LPL: variants seen among roughly 807,000 people sequenced by gnomAD.
The protein encoded by LPL is lipoprotein lipase, also known as phospholipase A1.
Under a neutral mutation model 52.2 loss-of-function variants are expected in LPL, and 43 were observed. That is an observed-to-expected ratio of 0.82 (90% confidence interval 0.64 to 1.06). The LOEUF (loss-of-function observed/expected upper bound fraction) is 1.06, where lower values mean the gene tolerates loss of function less well. Among genes scored for constraint, LPL ranks in the 50% least tolerant of loss-of-function variants. The probability of loss-of-function intolerance (pLI) is 0.00; values close to 1 mark genes in which losing one functional copy is unlikely to be tolerated. For synonymous variants in LPL, 244 were observed against 215.6 expected (o/e 1.13, Z -1.15); for missense variants, 639 against 585.3 (o/e 1.09, Z -0.95).
rs373989588 is a variant in LPL at position 19,954,328 on chromosome 8, C to T, written c.750C>T (p.Arg250=). The change falls in exon 5 of 10, where the codon CGC becomes CGT. Residue 250 remains arginine, a synonymous_variant. Transcript: ENST00000650287. Reference sequence around the variant, plus strand: ...GATGTAACATTGGAGAAGCTATCCGCGTGATTGCAGAGAGAGGACTTGGAG... The same window carrying T: ...GATGTAACATTGGAGAAGCTATCCGTGTGATTGCAGAGAGAGGACTTGGAG... The part of the protein sequence containing the change: ...QPGCNIGEAI[R]VIAERGLGDV... 1.7e-5 allele frequency: 28 copies of T among 1,613,862 alleles called. No individual in the cohort carries two copies. The highest frequency in any genetic ancestry group is 5.0e-5 in the Admixed American group (3 of 59,986).
intron 6 of LPL, among the ~76,000 whole-genome samples, chr8:19,957,181 C>T (rs1288850954): frequency 2.0e-5 from 3 of 152,186 alleles, no homozygotes; most frequent in Non-Finnish European, 2.9e-5. Context: ...ACTTGAATTT[C>T]AAGCTTGGCC....
intron 1 of LPL, among the ~76,000 whole-genome samples, chr8:19,940,042 C>T (rs1002279685): frequency 1.3e-5 from 2 of 152,186 alleles, no homozygotes; most frequent in African/African-American, 4.8e-5. Context: ...CGCGGGGAGG[C>T]GTTCCGGGCA....
chr8:19,956,010 T>C lies in LPL; in HGVS notation c.945T>C (p.Tyr315=). 3 of 1,613,658 alleles carry C rather than the reference T, an allele frequency of 1.9e-6. No individual in the cohort carries two copies. Among genetic ancestry groups the C allele is most frequent in the Non-Finnish European group, 1.7e-6 (2 of 1,179,572 alleles). The change falls in exon 6 of 10, where the codon TAT becomes TAC. Residue 315 remains tyrosine (Y), a synonymous_variant. Coordinates refer to ENST00000650287, the MANE Select transcript of LPL (RefSeq NM_000237.3). The part of the protein sequence containing the change: ...CRKNRCNNLG[Y]EINKVRAKRS... ...AGAACCGCTGCAACAATCTGGGCTA[T>C]GAGATCAATAAAGTCAGAGCCAAAA... is the stretch of plus-strand genomic sequence containing the variant.
rs549451267 is a variant in LPL at position 19,951,874 on chromosome 8, G to A, written c.355G>A (p.Glu119Lys). Residue 119 changes from glutamate (E) to lysine (K), a missense_variant, in exon 3 of 10, where the codon GAG becomes AAG. Transcript: ENST00000650287. ...IVVDWLSRAQ[E>K]HYPVSAGYTK... ...GGTGGACTGGCTGTCACGGGCTCAGGAGCATTACCCAGTGTCCGCGGGCTA... is the reference window on the plus strand; with the variant it reads ...GGTGGACTGGCTGTCACGGGCTCAGAAGCATTACCCAGTGTCCGCGGGCTA... 1.2e-6 allele frequency: 2 copies of A among 1,614,154 alleles called. No individual in the cohort carries two copies. Among genetic ancestry groups the A allele is most frequent in the Admixed American group, 1.7e-5 (1 of 60,016 alleles).
chr8:19,961,709 A>C (rs902599621), intron 8 of LPL, among the ~76,000 whole-genome samples: 1 of 152,226 alleles, frequency 6.6e-6, no homozygotes, highest in Admixed American at 6.5e-5. Flanking sequence ...AAACAAAAAA[A>C]AAAAGAAAAA....
chr8:19,946,480 C>A, intron 1 of LPL: 1 of 200,966 alleles, frequency 5.0e-6, no homozygotes, highest in South Asian at 5.9e-5. Context: ...GATTCAAATG[C>A]CTATTCTTTC....
intron 1 of LPL, among the ~76,000 whole-genome samples, chr8:19,946,264 T>C (rs1245638814): frequency 6.6e-6 from 1 of 152,190 alleles, no homozygotes; most frequent in Non-Finnish European, 1.5e-5. Context: ...TTACCCATTG[T>C]AACAAAACTC....
At chr8:19,960,799 C>G in intron 7 of LPL, 102 bp from the exon 8 acceptor site, 1 of 828,106 alleles carries the variant, frequency 1.2e-6, no homozygotes, top group Non-Finnish European at 2.0e-6. Context: ...TAAAATATCC[C>G]CTAAATAATA....
At chr8:19,942,198 A>G (rs1236182270) in intron 1 of LPL, among the ~76,000 whole-genome samples, 2 of 152,162 alleles carry the variant, frequency 1.3e-5, no homozygotes, top group Non-Finnish European at 2.9e-5. Flanking sequence ...TTGCTTTATT[A>G]TGGAGGAAAA....
At chr8:19,940,140 G>T (rs1440593556) in intron 1 of LPL, among the ~76,000 whole-genome samples, 1 of 152,190 alleles carries the variant, frequency 6.6e-6, no homozygotes, top group Non-Finnish European at 1.5e-5. Context: ...GAGAAAGTAC[G>T]CGTGGCGCGG....
Position 19,967,241 on chromosome 8 carries a change from A to G in LPL, c.*1931A>G, listed in dbSNP as rs2070097919. The G allele has an allele frequency of 6.6e-6, 1 of 152,638 alleles. No homozygotes were observed. The highest frequency in any genetic ancestry group is 1.5e-5 in the Non-Finnish European group (1 of 68,040). The allele number at this position is 152,638 out of a possible 1,614,324, so 9.5% of individuals were successfully genotyped here. A position where few individuals can be genotyped will look rare whatever the true frequency, so the allele number is the denominator to read the frequency against. On this transcript the variant is annotated 3_prime_UTR_variant, in exon 10 of 10. Coordinates refer to ENST00000650287, the MANE Select transcript of LPL (RefSeq NM_000237.3). ...ATGGAATCAGCTTTTAATAAAATTG[A>G]CAACATTTTATTACCACACTAAGTC...
intron 2 of LPL, among the ~76,000 whole-genome samples, chr8:19,951,054 G>T (rs190828106): frequency 6.6e-6 from 1 of 152,232 alleles, no homozygotes; most frequent in Non-Finnish European, 1.5e-5. Flanking sequence ...AAGCTGCCTG[G>T]GGACTCACAG....
intron 3 of LPL, among the ~76,000 whole-genome samples, 179 bp from the exon 4 acceptor site, chr8:19,953,131 A>T (rs892380971): frequency 5.9e-5 from 9 of 152,236 alleles, no homozygotes; most frequent in African/African-American, 2.2e-4. Flanking sequence ...CAAAAGAAAA[A>T]GACAATTTTA....
At chr8:19,945,814 T>G (rs1255194424) in intron 1 of LPL, among the ~76,000 whole-genome samples, 2 of 152,106 alleles carry the variant, frequency 1.3e-5, no homozygotes, top group Non-Finnish European at 2.9e-5. Context: ...ATTTGGCAAA[T>G]AGGTGGTAAG....
intron 2 of LPL, among the ~76,000 whole-genome samples, chr8:19,951,511 T>C (rs559123639): frequency 8.4e-4 from 128 of 152,326 alleles, no homozygotes; most frequent in African/African-American, 2.9e-3. Context: ...GTCTAAAATA[T>C]ACTTTTTAAA....
At chr8:19,948,130 A>G (rs1292168345) in intron 1 of LPL, 50 bp from the exon 2 acceptor site, 1 of 1,571,826 alleles carries the variant, frequency 6.4e-7, no homozygotes, top group Admixed American at 1.7e-5. Context: ...TCCAATGAAT[A>G]AAATCAAGCA....
At chr8:19,958,567 T>A (rs201109557) in intron 6 of LPL, among the ~76,000 whole-genome samples, 3 of 151,846 alleles carry the variant, frequency 2.0e-5, no homozygotes, top group South Asian at 2.1e-4. Context: ...AGTTCTTTTT[T>A]AAAAAAAATT....
rs1394296732 is a variant in LPL at position 19,966,415 on chromosome 8, C to A, written c.*1105C>A. ...TTCCTAAGCAGTGCTTGTAAACCAT[C>A]GCGTGCAATGAGCCAGATGGAGTAC... On this transcript the variant is annotated 3_prime_UTR_variant, in exon 10 of 10. Coordinates refer to ENST00000650287, the MANE Select transcript of LPL (RefSeq NM_000237.3). The A allele has an allele frequency of 6.6e-6, 1 of 152,132 alleles. No homozygotes were observed. Among genetic ancestry groups the A allele is most frequent in the African/African-American group, 2.4e-5 (1 of 41,434 alleles). The allele number at this position is 152,132 out of a possible 1,614,324, so 9.4% of individuals were successfully genotyped here. A position where few individuals can be genotyped will look rare whatever the true frequency, so the allele number is the denominator to read the frequency against.
rs114236375 is a variant in LPL at position 19,965,120 on chromosome 8, T to G, written c.*-190T>G. ...GGACGGGGCTAAATAGTTGCTCCAG[T>G]GTCTTCCATTCCTACAAACCTGCCA... On this transcript the variant is annotated intron_variant, in intron 9 of 9. Coordinates refer to ENST00000650287, the MANE Select transcript of LPL (RefSeq NM_000237.3). 3.3e-3 allele frequency among the ~76,000 whole-genome samples: 496 copies of G among 152,330 alleles called. 4 individuals are homozygous for G. The highest frequency in any genetic ancestry group is 0.011 in the African/African-American group (474 of 41,558).
Sources: allele counts gnomAD v4.1 joint callset (sites outside exome capture counted in the v4.1 genomes callset), GRCh38; gene constraint gnomAD v4.1.1; transcripts MANE v1.5; gene names NCBI Gene and HGNC (gene_info 2026-07-23, HGNC 2026-07-21).